Variants in NDUFS4 observed in about 807,000 individuals in gnomAD.
The protein encoded by NDUFS4 is NADH dehydrogenase [ubiquinone] iron-sulfur protein 4, mitochondrial.
In NDUFS4, 28 loss-of-function variants were observed where a neutral mutation model predicts 24.3. The observed-to-expected ratio is 1.15, with a 90% confidence interval of 0.85 to 1.58. The LOEUF (loss-of-function observed/expected upper bound fraction) is 1.58. NDUFS4 is among the 40% of genes most tolerant of loss of function. The pLI, the probability that NDUFS4 is intolerant of heterozygous loss-of-function variation, is 0.00. For missense variants in NDUFS4, 223 were observed against 207.9 expected (o/e 1.07, Z -0.45); for synonymous variants, 93 against 69.7 (o/e 1.34, Z -1.67).
chr5:53,668,366 A>G (rs1752575564), intron 4 of NDUFS4, among the ~76,000 whole-genome samples: 1 of 152,168 alleles, frequency 6.6e-6, no homozygotes. Flanking sequence ...AGTCATGAGC[A>G]TGGTTTCCCT....
intron 3 of NDUFS4, among the ~76,000 whole-genome samples, chr5:53,648,188 T>C (rs1281005769): frequency 6.6e-6 from 1 of 152,206 alleles, no homozygotes; most frequent in Non-Finnish European, 1.5e-5. Flanking sequence ...ACTTAGTCTT[T>C]GGAGTGAATC....
At chr5:53,570,913 A>C (rs1289186723) in intron 1 of NDUFS4, among the ~76,000 whole-genome samples, 2 of 151,534 alleles carry the variant, frequency 1.3e-5, no homozygotes, top group Non-Finnish European at 2.9e-5. Context: ...CGAACTCCTG[A>C]CCTTAGGTGA....
Position 53,683,259 on chromosome 5 carries a change from A to C in NDUFS4, c.*38A>C. Reference sequence around the variant, plus strand: ...TATATCTCTGCTTGACTGTGAATAAAGTCAGCTGTGCAGTATTTATAGTCC... The same window carrying C: ...TATATCTCTGCTTGACTGTGAATAACGTCAGCTGTGCAGTATTTATAGTCC... On this transcript the variant is annotated 3_prime_UTR_variant, in exon 5 of 5. Coordinates refer to ENST00000296684, the MANE Select transcript of NDUFS4 (RefSeq NM_002495.4). 7.1e-7 allele frequency: 1 copy of C among 1,413,914 alleles called. No individual in the cohort carries two copies. Among genetic ancestry groups the C allele is most frequent in the Non-Finnish European group, 1.0e-6 (1 of 998,330 alleles). The allele number at this position is 1,413,914 out of a possible 1,614,324, so 87.6% of individuals were successfully genotyped here.
At chr5:53,662,056 G>T (rs1282059090) in intron 4 of NDUFS4, among the ~76,000 whole-genome samples, 1 of 152,048 alleles carries the variant, frequency 6.6e-6, no homozygotes, top group African/African-American at 2.4e-5. Context: ...GGTGAGAGAG[G>T]GCATCCCTGT....
chr5:53,627,154 G>T (rs939222663), intron 2 of NDUFS4, among the ~76,000 whole-genome samples: 43 of 152,170 alleles, frequency 2.8e-4, no homozygotes, highest in African/African-American at 1.0e-3. Context: ...TCCCCATTGC[G>T]TGTTTTTGTC....
intron 1 of NDUFS4, among the ~76,000 whole-genome samples, chr5:53,575,100 G>A (rs1235591296): frequency 2.6e-5 from 4 of 152,162 alleles, no homozygotes; most frequent in African/African-American, 9.7e-5. Flanking sequence ...AGAAGAAAAT[G>A]GGGATTTTCT....
chr5:53,641,282 A>G (rs1014121326), intron 2 of NDUFS4, among the ~76,000 whole-genome samples: 4 of 152,158 alleles, frequency 2.6e-5, no homozygotes, highest in Non-Finnish European at 4.4e-5. Context: ...CTTTTAGCCA[A>G]GGCTTTCCTG....
intron 2 of NDUFS4, among the ~76,000 whole-genome samples, chr5:53,626,566 C>T (rs902530156): frequency 1.3e-5 from 2 of 152,104 alleles, no homozygotes; most frequent in African/African-American, 2.4e-5. Flanking sequence ...TTTTAATGAT[C>T]GCCATTCTAA....
intron 1 of NDUFS4, among the ~76,000 whole-genome samples, chr5:53,580,717 T>TC (rs1749536125): frequency 8.0e-6 from 1 of 125,150 alleles, no homozygotes; most frequent in Non-Finnish European, 1.9e-5. Context: ...CCTTTCCTTT[T>TC]CCTTTTCCTT....
intron 1 of NDUFS4, among the ~76,000 whole-genome samples, chr5:53,591,797 TATA>T (rs1449067840): frequency 1.3e-5 from 2 of 152,196 alleles, no homozygotes; most frequent in Admixed American, 6.5e-5. Context: ...CATTTTAATT[TATA>T]ATTTCCTAAT....
chr5:53,676,762 C>T (rs369701283), intron 4 of NDUFS4, among the ~76,000 whole-genome samples: 1 of 152,190 alleles, frequency 6.6e-6, no homozygotes, highest in Non-Finnish European at 1.5e-5. Flanking sequence ...TTTTGACATT[C>T]TCCACATGTC....
At chr5:53,566,189 G>A (rs964913460) in intron 1 of NDUFS4, among the ~76,000 whole-genome samples, 2 of 152,034 alleles carry the variant, frequency 1.3e-5, no homozygotes, top group Non-Finnish European at 2.9e-5. Flanking sequence ...AATAATACAC[G>A]GAACTTAAGG....
At chr5:53,565,867 C>T (rs1174096187) in intron 1 of NDUFS4, among the ~76,000 whole-genome samples, 2 of 150,256 alleles carry the variant, frequency 1.3e-5, no homozygotes, top group Non-Finnish European at 3.0e-5. Context: ...AGTAACTATG[C>T]GAAGTTTTAA....
At chr5:53,597,710 A>G (rs1353246376) in intron 1 of NDUFS4, among the ~76,000 whole-genome samples, 1 of 152,218 alleles carries the variant, frequency 6.6e-6, no homozygotes, top group African/African-American at 2.4e-5. Context: ...ATACATGGAT[A>G]GGAAGACGCT....
At chr5:53,607,430 AACATGC>A (rs1200491257) in intron 2 of NDUFS4, among the ~76,000 whole-genome samples, 1 of 152,216 alleles carries the variant, frequency 6.6e-6, no homozygotes, top group Non-Finnish European at 1.5e-5. Context: ...CCAGGTAACA[AACATGC>A]ACATGTACCT....
At chr5:53,583,372 G>A (rs1749636149) in intron 1 of NDUFS4, among the ~76,000 whole-genome samples, 1 of 152,154 alleles carries the variant, frequency 6.6e-6, no homozygotes, top group South Asian at 2.1e-4. Context: ...CTGTCAGAAA[G>A]ACAGCTTTCC....
chr5:53,631,207 G>A lies in NDUFS4; in HGVS notation c.178-15026G>A, dbSNP rs145714649. On this transcript the variant is annotated intron_variant, in intron 2 of 4. Coordinates refer to ENST00000296684, the MANE Select transcript of NDUFS4 (RefSeq NM_002495.4). Reference sequence around the variant, plus strand: ...GACCCTGTCTGCTTGGGTATCACCAGCGAATGCTGCAGAACAGCAAATATT... The same window carrying A: ...GACCCTGTCTGCTTGGGTATCACCAACGAATGCTGCAGAACAGCAAATATT... 7.2e-4 allele frequency among the ~76,000 whole-genome samples: 110 copies of A among 152,312 alleles called. No individual in the cohort carries two copies. The East Asian group carries it at 0.02, about 28-fold the overall frequency.
chr5:53,568,892 A>G (rs1749126004), intron 1 of NDUFS4, among the ~76,000 whole-genome samples: 1 of 152,168 alleles, frequency 6.6e-6, no homozygotes, highest in Admixed American at 6.5e-5. Flanking sequence ...ATTCTTAAAC[A>G]AAGCTATATG....
intron 2 of NDUFS4, among the ~76,000 whole-genome samples, chr5:53,634,133 A>G (rs931263339): frequency 6.6e-6 from 1 of 152,256 alleles, no homozygotes. Flanking sequence ...TCTTAACAAC[A>G]GAAAGGAAAC....
Sources: gnomAD v4.1 joint callset for allele counts (sites outside exome capture counted in the v4.1 genomes callset) on GRCh38, gnomAD v4.1.1 for gene constraint, MANE v1.5 for transcripts, NCBI Gene and HGNC (gene_info 2026-07-23, HGNC 2026-07-21) for gene names.